The following ETF1 variants were observed in gnomAD, a reference collection of about 807,000 sequenced individuals.
The protein encoded by ETF1 is eukaryotic peptide chain release factor subunit 1.
ETF1 carries 4 observed loss-of-function variants against 55.1 expected under a neutral mutation model. The observed-to-expected ratio is 0.07, with a 90% CI of 0.04 to 0.17. The LOEUF is 0.17. Ranked by LOEUF, ETF1 falls within the 10% of genes least tolerant of loss-of-function variation. ETF1 has a pLI of 1.00. For synonymous variants in ETF1, 157 were observed against 182.3 expected, an observed-to-expected ratio of 0.86 and a Z score of 1.12; for missense variants, 142 against 523.6, an observed-to-expected ratio of 0.27 and a Z score of 7.11.
chr5:138,512,018 G>T, intron 6 of ETF1: 2 of 324,128 alleles, frequency 6.2e-6, no homozygotes, highest in Non-Finnish European at 8.8e-6. Flanking sequence ...AGGCAACATG[G>T]TGAAACCCTG....
At chr5:138,522,502 G>T (rs1188178016) in intron 2 of ETF1, among the ~76,000 whole-genome samples, 1 of 151,398 alleles carries the variant, frequency 6.6e-6, no homozygotes, top group Non-Finnish European at 1.5e-5. Flanking sequence ...CTCTTAGTTA[G>T]ATACCCAAGA....
At chr5:138,524,856 A>C (rs185990787) in intron 2 of ETF1, among the ~76,000 whole-genome samples, 2 of 151,636 alleles carry the variant, frequency 1.3e-5, no homozygotes. Flanking sequence ...GATTACAGGC[A>C]TGAGCCACCG....
intron 2 of ETF1, chr5:138,542,539 A>T: frequency 9.4e-7 from 1 of 1,062,454 alleles, no homozygotes; most frequent in African/African-American, 1.6e-5. Context: ...AAGAGGGAGG[A>T]CCTGGACTTA....
chr5:138,519,268 T>C (rs1561834956), intron 2 of ETF1: 1 of 829,966 alleles, frequency 1.2e-6, no homozygotes, highest in Admixed American at 6.2e-5. Flanking sequence ...GATGATGCAA[T>C]GAGTCTTTCC....
intron 4 of ETF1, among the ~76,000 whole-genome samples, chr5:138,514,994 G>A (rs1215938139): frequency 6.6e-6 from 1 of 152,134 alleles, no homozygotes; most frequent in Admixed American, 6.5e-5. Flanking sequence ...CCAAAGTGCT[G>A]GGATTACATA....
At chr5:138,537,249 C>T (rs1478763872) in intron 2 of ETF1, among the ~76,000 whole-genome samples, 1 of 152,234 alleles carries the variant, frequency 6.6e-6, no homozygotes, top group Non-Finnish European at 1.5e-5. Context: ...TCCTCTTTCT[C>T]ATAGTTCAGA....
At chr5:138,514,837 G>A (rs1005324996) in intron 4 of ETF1, among the ~76,000 whole-genome samples, 4 of 152,118 alleles carry the variant, frequency 2.6e-5, no homozygotes, top group Non-Finnish European at 5.9e-5. Flanking sequence ...ACAGTCCTGG[G>A]ACATACATAG....
At chr5:138,537,027 C>G (rs1765965891) in intron 2 of ETF1, among the ~76,000 whole-genome samples, 1 of 152,182 alleles carries the variant, frequency 6.6e-6, no homozygotes, top group Non-Finnish European at 1.5e-5. Context: ...AATAGGAGGT[C>G]TGTCAAGACT....
intron 2 of ETF1, chr5:138,519,091 A>G: frequency 1.0e-6 from 1 of 984,880 alleles, no homozygotes; most frequent in Non-Finnish European, 1.2e-6. Flanking sequence ...TAGTGAGGTA[A>G]GTTATGTAAA....
Position 138,506,625 on chromosome 5 carries a change from C to G in ETF1, c.*1680G>C, listed in dbSNP as rs535341475. 1.3e-5 allele frequency: 2 copies of G among 152,802 alleles called. No individual in the cohort carries two copies. Among genetic ancestry groups the G allele is most frequent in the Admixed American group, 1.3e-4 (2 of 15,306 alleles). The allele number at this position is 152,802 out of a possible 1,614,324, so 9.5% of individuals were successfully genotyped here. A position where few individuals can be genotyped will look rare whatever the true frequency, so the allele number is the denominator to read the frequency against. On this transcript the variant is annotated 3_prime_UTR_variant, in exon 11 of 11. Coordinates refer to ENST00000360541, the MANE Select transcript of ETF1 (RefSeq NM_004730.4). Reference sequence around the variant, plus strand: ...ACGTTGGTGAACACCAAATAATGGACTCTTCTCACAGGGGGTTGAGACATC... The same window carrying G: ...ACGTTGGTGAACACCAAATAATGGAGTCTTCTCACAGGGGGTTGAGACATC...
intron 2 of ETF1, among the ~76,000 whole-genome samples, chr5:138,528,631 T>C (rs556755246): frequency 6.6e-6 from 1 of 152,338 alleles, no homozygotes; most frequent in East Asian, 1.9e-4. Context: ...TCTTGGCTTC[T>C]TATTCCTTTT....
chr5:138,512,391 C>CT (rs1435432501), intron 6 of ETF1, among the ~76,000 whole-genome samples: 1 of 150,594 alleles, frequency 6.6e-6, no homozygotes, highest in Non-Finnish European at 1.5e-5. Flanking sequence ...GCTGAATCAG[C>CT]TGTCATACTG....
At position 138,507,213 on chromosome 5, in the gene ETF1, G is replaced by C. The variant is rs574775744; in HGVS notation, c.*1092C>G. 3.8e-5 allele frequency: 5 copies of C among 133,266 alleles called. No individual in the cohort carries two copies. Among genetic ancestry groups the C allele is most frequent in the South Asian group, 5.2e-4 (2 of 3,844 alleles). 8.3% of individuals were successfully genotyped at this position (133,266 alleles called of 1,614,324 possible). ...CTAATTTCTCATGTGAGAAGTGCTT[G>C]TAAGTCCCACATTTGAAACAGATGC... On this transcript the variant is annotated 3_prime_UTR_variant, in exon 11 of 11. Transcript: ENST00000360541.
chr5:138,512,563 G>A, intron 6 of ETF1: 1 of 451,916 alleles, frequency 2.2e-6, no homozygotes, highest in Non-Finnish European at 3.8e-6. Flanking sequence ...ACCTAAAAAT[G>A]GTTGATTTCA....
chr5:138,527,401 C>T (rs1351513987), intron 2 of ETF1, among the ~76,000 whole-genome samples: 1 of 152,226 alleles, frequency 6.6e-6, no homozygotes, highest in Non-Finnish European at 1.5e-5. Flanking sequence ...GGCCAAACCA[C>T]GGAATCAAGG....
At chr5:138,523,573 A>G (rs1348843659) in intron 2 of ETF1, among the ~76,000 whole-genome samples, 1 of 152,162 alleles carries the variant, frequency 6.6e-6, no homozygotes, top group Non-Finnish European at 1.5e-5. Flanking sequence ...CCATTTACAC[A>G]AAATGTTCAC....
At chr5:138,516,050 T>C (rs1298954326) in intron 4 of ETF1, among the ~76,000 whole-genome samples, 2 of 152,222 alleles carry the variant, frequency 1.3e-5, no homozygotes, top group Admixed American at 1.3e-4. Context: ...ATTGTTCTAC[T>C]GTTGACTGAT....
intron 4 of ETF1, 152 bp from the exon 5 acceptor site, chr5:138,513,858 G>C: frequency 9.2e-7 from 1 of 1,090,450 alleles, no homozygotes; most frequent in Non-Finnish European, 1.2e-6. Context: ...ATAGACTTCA[G>C]TTATAAACAT....
intron 2 of ETF1, among the ~76,000 whole-genome samples, chr5:138,519,854 A>G (rs1765166122): frequency 6.6e-6 from 1 of 152,084 alleles, no homozygotes; most frequent in East Asian, 1.9e-4. Context: ...TTGGTTTTTT[A>G]ACTTTTTAAT....
Sources: allele counts gnomAD v4.1 joint callset (sites outside exome capture counted in the v4.1 genomes callset), GRCh38; gene constraint gnomAD v4.1.1; transcripts MANE v1.5; gene names NCBI Gene and HGNC (gene_info 2026-07-23, HGNC 2026-07-21).